The following CAND1 variants were observed in gnomAD, a reference collection of about 807,000 sequenced individuals.
CAND1 encodes the protein cullin-associated NEDD8-dissociated protein 1.
Under a neutral mutation model 108.5 loss-of-function variants are expected in CAND1, and 7 were observed. That is an observed-to-expected ratio of 0.06 (90% CI 0.04 to 0.12). The LOEUF (loss-of-function observed/expected upper bound fraction) is 0.12, where lower values mean the gene tolerates loss of function less well. Ranked by LOEUF, CAND1 falls within the 10% of genes least tolerant of loss-of-function variation. The pLI is 1.00. For missense variants in CAND1, 941 were observed against 1,448.7 expected, an observed-to-expected ratio of 0.65 and a Z score of 5.69; for synonymous variants, 534 against 512.0, an observed-to-expected ratio of 1.04 and a Z score of -0.58.
chr12:67,269,843 C>A, intron 1 of CAND1, 58 bp downstream of exon 1: 1 of 1,478,472 alleles, frequency 6.8e-7, no homozygotes. Flanking sequence ...GCGGCCCTGG[C>A]CGTCACGCAG....
intron 1 of CAND1, among the ~76,000 whole-genome samples, chr12:67,272,620 G>A (rs1288559000): frequency 1.3e-5 from 2 of 152,174 alleles, no homozygotes; most frequent in Non-Finnish European, 2.9e-5. Context: ...AGGAGAAATG[G>A]GGAAGCATTA....
chr12:67,310,326 TTG>T lies in CAND1; in HGVS notation c.3360+13_3360+14del. ...CCATTATGATATTAAGGTAAGATGT[TTG>T]TGCCTATTTATACAATGTTTTAGAA... On this transcript the variant is annotated intron_variant, in intron 13 of 14. Coordinates refer to ENST00000545606, the MANE Select transcript of CAND1 (RefSeq NM_018448.5). 1 of 1,576,540 alleles carries T rather than the reference TTG, an allele frequency of 6.3e-7. No individual in the cohort carries two copies. The highest frequency in any genetic ancestry group is 8.7e-7 in the Non-Finnish European group (1 of 1,152,058).
Position 67,270,067 on chromosome 12 carries a change from G to A in CAND1, c.68+282G>A, listed in dbSNP as rs1308296952. The stretch of plus-strand genomic sequence containing the variant: ...CCCCACATCCTTCCCTGCCCCACCA[G>A]GAGGCGATTCTTGCGTCTCAGGTAG... On this transcript the variant is annotated intron_variant, in intron 1 of 14. Transcript: ENST00000545606. The A allele has an allele frequency of 9.4e-6, 4 of 426,216 alleles. No individual in the cohort carries two copies. The East Asian group carries it at 1.4e-4, about 15-fold the overall frequency. 26.4% of individuals were successfully genotyped at this position (426,216 alleles called of 1,614,324 possible).
chr12:67,284,553 C>T (rs1044924385), intron 2 of CAND1, among the ~76,000 whole-genome samples: 3 of 152,098 alleles, frequency 2.0e-5, no homozygotes, highest in East Asian at 1.9e-4. Flanking sequence ...AGGTGAAGAA[C>T]TTCCAAAAAC....
intron 1 of CAND1, among the ~76,000 whole-genome samples, chr12:67,271,702 A>G (rs2044522377): frequency 6.6e-6 from 1 of 152,250 alleles, no homozygotes; most frequent in African/African-American, 2.4e-5. Context: ...TACTGAATCA[A>G]AACAATTCCT....
At chr12:67,304,395 T>C (rs1411721681) in intron 8 of CAND1, among the ~76,000 whole-genome samples, 3 of 152,202 alleles carry the variant, frequency 2.0e-5, no homozygotes, top group Non-Finnish European at 4.4e-5. Flanking sequence ...TAATTTCTTA[T>C]CAGTATCAAG....
At chr12:67,299,676 C>T (rs186783192) in intron 7 of CAND1, among the ~76,000 whole-genome samples, 4 of 152,196 alleles carry the variant, frequency 2.6e-5, no homozygotes, top group Non-Finnish European at 4.4e-5. Flanking sequence ...TTCTGAGGCT[C>T]CTAAGATTGA....
chr12:67,306,437 G>A lies in CAND1; in HGVS notation c.2769G>A (p.Val923=). The change falls in exon 10 of 15, where the codon GTG becomes GTA. Residue 923 remains valine (V), a synonymous_variant. Transcript: ENST00000545606. ...LKEIISSASV[V]GLKPYVENIW... ...AAATTATTAGCTCTGCATCAGTGGT[G>A]GGCCTTAAACCATATGTTGAAAACA... The A allele has an allele frequency of 3.7e-6, 6 of 1,614,016 alleles. No homozygotes were observed. Among genetic ancestry groups the A allele is most frequent in the Non-Finnish European group, 2.5e-6 (3 of 1,179,956 alleles).
rs576433776 is a variant in CAND1, at chr12:67,288,590, A to G, written c.213-4032A>G. ...AAATTGTTCTGATATTTGTTTAAAC[A>G]GTAAGAAATACTTTAATCAGGACTA... On this transcript the variant is annotated intron_variant, in intron 2 of 14. Coordinates refer to ENST00000545606, the MANE Select transcript of CAND1 (RefSeq NM_018448.5). Among the ~76,000 whole-genome samples, 4 of 152,360 alleles carry G rather than the reference A, an allele frequency of 2.6e-5. No individual in the cohort carries two copies. The East Asian group carries it at 5.8e-4, about 22-fold the overall frequency.
intron 3 of CAND1, among the ~76,000 whole-genome samples, chr12:67,294,170 G>C (rs541784388): frequency 6.6e-6 from 1 of 151,958 alleles, no homozygotes; most frequent in Admixed American, 6.5e-5. Flanking sequence ...TCATTGAAAT[G>C]TGTTTGCATT....
In CAND1 at chr12:67,299,111, T is replaced by G. The variant is rs886831914; in HGVS notation, c.1000+16T>G. The G allele has an allele frequency of 2.7e-6, 4 of 1,507,068 alleles. No individual in the cohort carries two copies. The highest frequency in any genetic ancestry group is 2.2e-5 in the Admixed American group (1 of 44,596). The allele number at this position is 1,507,068 out of a possible 1,614,324, so 93.4% of individuals were successfully genotyped here. The stretch of plus-strand genomic sequence containing the variant: ...GATGATCAAGGTATTGCAAATTAAA[T>G]AGAATCTTTTGAGTTTTTGTGAAAG... On this transcript the variant is annotated intron_variant, in intron 7 of 14. Coordinates refer to ENST00000545606, the MANE Select transcript of CAND1 (RefSeq NM_018448.5).
At chr12:67,311,873 C>A in intron 14 of CAND1, 73 bp downstream of exon 14, 1 of 862,666 alleles carries the variant, frequency 1.2e-6, no homozygotes, top group Non-Finnish European at 2.0e-6. Flanking sequence ...TTTTCTCTAG[C>A]TTTCCAAATA....
In CAND1 at chr12:67,302,453, T is replaced by C; in HGVS notation, c.1131T>C (p.Pro377=). The change falls in exon 8 of 15, where the codon CCT becomes CCC. Residue 377 remains proline (P), a synonymous_variant. Transcript: ENST00000545606. ...MLPEFYKTVS[P]ALISRFKERE... ...CAGAATTCTACAAGACCGTCTCTCC[T>C]GCACTAATATCCAGATTTAAAGAGC... is the stretch of plus-strand genomic sequence containing the variant. The C allele has an allele frequency of 6.2e-7, 1 of 1,614,158 alleles. No homozygotes were observed. Among genetic ancestry groups the C allele is most frequent in the Non-Finnish European group, 8.5e-7 (1 of 1,179,990 alleles).
intron 2 of CAND1, among the ~76,000 whole-genome samples, chr12:67,283,173 C>A (rs894335260): frequency 1.3e-5 from 2 of 152,052 alleles, no homozygotes; most frequent in Non-Finnish European, 2.9e-5. Flanking sequence ...TTACATATCC[C>A]TTGTAAAAGT....
intron 2 of CAND1, 140 bp from the exon 3 acceptor site, chr12:67,292,482 T>G (rs887319899): frequency 1.8e-5 from 10 of 554,724 alleles, no homozygotes; most frequent in Non-Finnish European, 1.8e-5. Context: ...TTATGTCATT[T>G]GTATACTATT....
chr12:67,305,625 C>A lies in CAND1; in HGVS notation c.1957C>A (p.Pro653Thr), dbSNP rs760083076. Residue 653 changes from proline to threonine, a missense_variant, in exon 10 of 15, where the codon CCT becomes ACT. Pro to Thr is a conservative substitution (Grantham distance 38). Around this residue, in one of 9 missense-constraint regions of CAND1, gnomAD observed 697 missense variants for 942.0 expected, o/e 0.74. Transcript: ENST00000545606. The surrounding 1 kb of genome is among the most constrained non-coding windows in gnomAD (Gnocchi z 4.4). ...GAGGCCTGTTCTGGGAGAAGGGGTT[C>A]CTATCCTTGCTTCATTTCTTAGAAA... Reference protein sequence around the residue: ...DLRPVLGEGVPILASFLRKNQ... With the variant: ...DLRPVLGEGVTILASFLRKNQ... 5.6e-6 allele frequency: 9 copies of A among 1,614,112 alleles called. No homozygotes were observed. In the South Asian group the frequency reaches 8.8e-5, roughly 16 times the overall value.
At chr12:67,271,104 C>T (rs1394351462) in intron 1 of CAND1, among the ~76,000 whole-genome samples, 1 of 152,160 alleles carries the variant, frequency 6.6e-6, no homozygotes, top group Non-Finnish European at 1.5e-5. Flanking sequence ...ATATTTCTAC[C>T]TAGGCAGCTC....
chr12:67,269,626 G>A lies in CAND1; in HGVS notation c.-92G>A. 1 of 1,133,426 alleles carries A rather than the reference G, an allele frequency of 8.8e-7. No individual in the cohort carries two copies. Among genetic ancestry groups the A allele is most frequent in the South Asian group, 1.3e-5 (1 of 75,830 alleles). 70.2% of individuals were successfully genotyped at this position (1,133,426 alleles called of 1,614,324 possible). On this transcript the variant is annotated 5_prime_UTR_variant, in exon 1 of 15. Transcript: ENST00000545606. ...CCTGGAAGCGGGAGCCGCCGCGAGC[G>A]AGAGGAGGAGCTCCAGTGGCGGCGG...
Position 67,295,038 on chromosome 12 carries a change from G to C in CAND1, c.373G>C (p.Ala125Pro), listed in dbSNP as rs780072872. Residue 125 changes from alanine (A) to proline (P), a missense_variant, in exon 4 of 15, where the codon GCA (alanine) becomes CCA (proline). Ala to Pro is a conservative substitution (Grantham distance 27, BLOSUM62 -1). Transcript: ENST00000545606. ...TTGGCTTCTTATTCATGCAGGCTCT[G>C]CATTAGCTGCTAATGTATGTAAAAA... ...GELPPASSGS[A>P]LAANVCKKIT... is the part of the protein sequence containing the mutation. 2.4e-5 allele frequency: 38 copies of C among 1,610,492 alleles called. No individual in the cohort carries two copies. Among genetic ancestry groups the C allele is most frequent in the Non-Finnish European group, 5.9e-6 (7 of 1,178,248 alleles).
Sources: gnomAD v4.1 joint callset for allele counts (sites outside exome capture counted in the v4.1 genomes callset) on GRCh38, gnomAD v4.1.1 for gene constraint, gnomAD v4.1.1 regional missense constraint, Gnocchi (gnomAD v3.1) non-coding constraint, MANE v1.5 for transcripts, NCBI Gene and HGNC (gene_info 2026-07-23, HGNC 2026-07-21) for gene names.